Variants in NEXN observed in about 807,000 individuals in gnomAD.
The protein encoded by NEXN is nexilin.
A neutral mutation model predicts 92.6 loss-of-function variants in NEXN; 65 were observed. The ratio of observed to expected loss-of-function variants is 0.70; its 90% CI spans 0.57 to 0.86. NEXN has a LOEUF of 0.86. Among genes scored for constraint, NEXN ranks in the 40% least tolerant of loss-of-function variants. The probability of loss-of-function intolerance (pLI) is 0.00; values close to 1 mark genes in which losing one functional copy is unlikely to be tolerated. For missense variants in NEXN, 778 were observed against 771.1 expected (o/e 1.01, Z -0.11); for synonymous variants, 254 against 242.5 (o/e 1.05, Z -0.44).
chr1:77,893,096 G>A (rs1647145488), intron 1 of NEXN, among the ~76,000 whole-genome samples: 1 of 151,966 alleles, frequency 6.6e-6, no homozygotes. Context: ...CAAACTCATG[G>A]TCTCAAGCAA....
intron 1 of NEXN, among the ~76,000 whole-genome samples, chr1:77,894,518 G>T (rs1318722026): frequency 6.6e-6 from 1 of 151,946 alleles, no homozygotes; most frequent in Non-Finnish European, 1.5e-5. Context: ...AGGGTTCACT[G>T]CAGTCTCTAT....
At chr1:77,906,688 TC>T (rs1213722981) in intron 1 of NEXN, among the ~76,000 whole-genome samples, 1 of 152,174 alleles carries the variant, frequency 6.6e-6, no homozygotes, top group Non-Finnish European at 1.5e-5. Flanking sequence ...AGGGTCTTGC[TC>T]TGTTGCCCAG....
intron 11 of NEXN, among the ~76,000 whole-genome samples, chr1:77,939,517 G>T (rs1008647654): frequency 6.6e-6 from 1 of 152,192 alleles, no homozygotes; most frequent in Non-Finnish European, 1.5e-5. Context: ...CAATCAGCAT[G>T]CACTTGCTTC....
intron 5 of NEXN, among the ~76,000 whole-genome samples, chr1:77,921,746 C>T (rs1045304134): frequency 6.6e-6 from 1 of 151,832 alleles, no homozygotes; most frequent in Non-Finnish European, 1.5e-5. Context: ...CCTGTCACTA[C>T]AAAAATTAAA....
At chr1:77,909,568 A>C (rs952355614) in intron 1 of NEXN, among the ~76,000 whole-genome samples, 2 of 152,196 alleles carry the variant, frequency 1.3e-5, no homozygotes, top group East Asian at 3.8e-4. Flanking sequence ...ACCTTAGTTC[A>C]TGACACACTC....
chr1:77,914,233 T>G (rs931703674), intron 1 of NEXN, among the ~76,000 whole-genome samples: 2 of 152,180 alleles, frequency 1.3e-5, no homozygotes, highest in Non-Finnish European at 2.9e-5. Context: ...AACTATGGAC[T>G]CTGGGTGATA....
chr1:77,898,034 T>G (rs1193875476), intron 1 of NEXN, among the ~76,000 whole-genome samples: 3 of 152,184 alleles, frequency 2.0e-5, no homozygotes, highest in Non-Finnish European at 2.9e-5. Flanking sequence ...TGGAAGAACA[T>G]TCCATGCTCA....
chr1:77,908,923 GT>G (rs2102067403), intron 1 of NEXN, among the ~76,000 whole-genome samples: 1 of 152,242 alleles, frequency 6.6e-6, no homozygotes, highest in Admixed American at 6.5e-5. Flanking sequence ...CCAAATTTTG[GT>G]AATCTAAATG....
intron 1 of NEXN, among the ~76,000 whole-genome samples, chr1:77,895,567 ATCT>A (rs1362355694): frequency 6.6e-6 from 1 of 152,186 alleles, no homozygotes; most frequent in Non-Finnish European, 1.5e-5. Flanking sequence ...TACGTTTAAA[ATCT>A]TCTTAAAAGT....
intron 11 of NEXN, among the ~76,000 whole-genome samples, chr1:77,937,160 C>T (rs182965894): frequency 2.7e-4 from 41 of 151,570 alleles, no homozygotes; most frequent in Non-Finnish European, 5.2e-4. Flanking sequence ...ACAAATTATC[C>T]GAGCACAGTG....
intron 1 of NEXN, among the ~76,000 whole-genome samples, chr1:77,894,441 CATT>C (rs1282916338): frequency 6.6e-6 from 1 of 151,816 alleles, no homozygotes; most frequent in Non-Finnish European, 1.5e-5. Flanking sequence ...ATTTTTATTT[CATT>C]ATTATTATTT....
intron 1 of NEXN, among the ~76,000 whole-genome samples, chr1:77,913,913 TG>T (rs1333089157): frequency 3.3e-5 from 5 of 152,066 alleles, no homozygotes; most frequent in African/African-American, 1.2e-4. Flanking sequence ...TAAAAAGAAA[TG>T]AGCTATCAAG....
intron 1 of NEXN, among the ~76,000 whole-genome samples, chr1:77,913,475 A>T (rs898830543): frequency 6.6e-6 from 1 of 151,974 alleles, no homozygotes. Context: ...GAAGATACAG[A>T]TGGCAAATAA....
chr1:77,898,583 T>C (rs1647422735), intron 1 of NEXN, among the ~76,000 whole-genome samples: 2 of 152,288 alleles, frequency 1.3e-5, no homozygotes, highest in Admixed American at 1.3e-4. Flanking sequence ...GGCAATACCA[T>C]TCAGGACACA....
At chr1:77,934,128 G>A (rs747608288) in intron 10 of NEXN, among the ~76,000 whole-genome samples, 1 of 148,084 alleles carries the variant, frequency 6.8e-6, no homozygotes, top group Non-Finnish European at 1.5e-5. Flanking sequence ...TCCTGCCTCA[G>A]CCTCCCGAGT....
intron 5 of NEXN, among the ~76,000 whole-genome samples, 184 bp downstream of exon 5, chr1:77,918,457 C>T (rs546378528): frequency 1.3e-5 from 2 of 151,910 alleles, no homozygotes; most frequent in African/African-American, 2.4e-5. Context: ...CTGGGTGGAT[C>T]GCTTCGACAT....
chr1:77,898,952 A>T (rs1422559181), intron 1 of NEXN, among the ~76,000 whole-genome samples: 1 of 152,248 alleles, frequency 6.6e-6, no homozygotes, highest in Non-Finnish European at 1.5e-5. Context: ...TCAAAACCAC[A>T]ATGAGATACC....
rs890138968 is a variant in NEXN at position 77,912,078 on chromosome 1, C to G, written c.-52-3977C>G. On this transcript the variant is annotated intron_variant, in intron 1 of 12. Transcript: ENST00000334785. ...TGGGCGACAGAGTGAGACTCTGTCT[C>G]AAAAAAAAAAAAAAAAATCTGAAAT... Among the ~76,000 whole-genome samples, 8 of 76,500 alleles carry G rather than the reference C, an allele frequency of 1.0e-4. No homozygotes were observed. The East Asian group carries it at 3.0e-3, about 29-fold the overall frequency. 50.2% of individuals were successfully genotyped at this position (76,500 alleles called of 152,430 possible).
chr1:77,918,090 A>G, intron 4 of NEXN, 35 bp from the exon 5 acceptor site: 1 of 1,612,930 alleles, frequency 6.2e-7, no homozygotes, highest in Non-Finnish European at 8.5e-7. Flanking sequence ...TAGAAACATA[A>G]CCAAGTATCA....
Sources: allele counts gnomAD v4.1 joint callset (sites outside exome capture counted in the v4.1 genomes callset), GRCh38; gene constraint gnomAD v4.1.1; transcripts MANE v1.5; gene names NCBI Gene and HGNC (gene_info 2026-07-23, HGNC 2026-07-21).